Variants in SYNE1 observed in about 807,000 individuals in gnomAD.
SYNE1 encodes spectrin repeat containing nuclear envelope protein 1, also known as nesprin-1.
In SYNE1, 616 loss-of-function variants were observed where a neutral mutation model predicts 1,111.0. The ratio of observed to expected loss-of-function variants is 0.55; its 90% CI spans 0.52 to 0.59. SYNE1 has a LOEUF of 0.59. Among genes scored for constraint, SYNE1 ranks in the 20% least tolerant of loss-of-function variants. The pLI, the probability that SYNE1 is intolerant of heterozygous loss-of-function variation, is 0.00. For missense variants in SYNE1, 10,006 were observed against 10,417.0 expected, an observed-to-expected ratio of 0.96 and a Z score of 1.72; for synonymous variants, 3,855 against 3,825.8, an observed-to-expected ratio of 1.01 and a Z score of -0.28.
chr6:152,231,485 A>G lies in SYNE1; in HGVS notation c.20945T>C (p.Val6982Ala). 4 of 1,614,168 alleles carry G rather than the reference A, an allele frequency of 2.5e-6. No homozygotes were observed. The highest frequency in any genetic ancestry group is 3.4e-6 in the Non-Finnish European group (4 of 1,180,028). The change falls in exon 114 of 146, where the codon GTG becomes GCG. Residue 6982 changes from valine to alanine, a missense_variant. Val to Ala is a moderately conservative substitution (Grantham distance 64, BLOSUM62 0). This residue lies in a region of SYNE1 where 2,182 missense variants were observed against 2,287.8 expected (regional missense o/e 0.95). Coordinates refer to ENST00000367255, the MANE Select transcript of SYNE1 (RefSeq NM_182961.4). ...QSVLQISSQD[V>A]ESKRSDKTDF... The stretch of plus-strand genomic sequence containing the variant: ...AGTCTTATCACTACGCTTACTTTCC[A>G]CATCCTGACTGCTGATTTGTAGCAC...
intron 129 of SYNE1, among the ~76,000 whole-genome samples, chr6:152,177,957 T>C (rs2066901546): frequency 6.6e-6 from 1 of 152,130 alleles, no homozygotes; most frequent in African/African-American, 2.4e-5. Flanking sequence ...CAACTGCCTT[T>C]TTCTATGTTG....
Position 152,358,439 on chromosome 6 carries a change from C to A in SYNE1, c.10542G>T (p.Lys3514Asn). The A allele has an allele frequency of 6.2e-7, 1 of 1,614,168 alleles. No individual in the cohort carries two copies. The highest frequency in any genetic ancestry group is 8.5e-7 in the Non-Finnish European group (1 of 1,180,018). The change falls in exon 66 of 146, where the codon AAG (lysine) becomes AAT (asparagine). Residue 3514 changes from lysine to asparagine, a missense_variant. Lys to Asn is a moderately conservative substitution (Grantham distance 94). Coordinates refer to ENST00000367255, the MANE Select transcript of SYNE1 (RefSeq NM_182961.4). ...CTTCAAGAACTGAATACTGGTCGAG[C>A]TTTTCTTGTTCTTGCCCCAACCAAA... Reference protein sequence around the residue: ...FEVWLGQEQEKLDQYSVLEGD... With the variant: ...FEVWLGQEQENLDQYSVLEGD...
chr6:152,319,156 A>G, intron 84 of SYNE1, 141 bp from the exon 85 acceptor site: 1 of 1,192,726 alleles, frequency 8.4e-7, no homozygotes, highest in Non-Finnish European at 1.2e-6. Context: ...ATGTGCGATT[A>G]GTTACAAGCC....
chr6:152,541,251 C>T (rs2099268096), intron 3 of SYNE1, among the ~76,000 whole-genome samples: 1 of 152,276 alleles, frequency 6.6e-6, no homozygotes, highest in South Asian at 2.1e-4. Flanking sequence ...TTCTTCTCAT[C>T]CATAAGCATG....
intron 3 of SYNE1, among the ~76,000 whole-genome samples, chr6:152,585,069 T>C (rs955736993): frequency 2.0e-5 from 3 of 152,192 alleles, no homozygotes; most frequent in Admixed American, 6.5e-5. Flanking sequence ...GTTATCCTCA[T>C]GCTATTCTGC....
intron 85 of SYNE1, among the ~76,000 whole-genome samples, 164 bp downstream of exon 85, chr6:152,318,699 G>A (rs1249536946): frequency 6.6e-6 from 1 of 152,198 alleles, no homozygotes; most frequent in African/African-American, 2.4e-5. Context: ...AATTATGTAA[G>A]AGGATCTGTG....
rs538375152 is a variant in SYNE1, at chr6:152,635,190, C to A, written c.-224+1448G>T. The stretch of plus-strand genomic sequence containing the variant: ...GGAAGGACTCAAGTAAAAAAGAGTT[C>A]TTAAATGAGGTCAATGAGGACAGAA... On this transcript the variant is annotated intron_variant, in intron 2 of 145. Transcript: ENST00000367255. Among the ~76,000 whole-genome samples the A allele has an allele frequency of 2.6e-5, 4 of 152,308 alleles. No homozygotes were observed. The South Asian group carries it at 8.3e-4, about 32-fold the overall frequency.
At chr6:152,514,658 CA>C (rs529408436) in intron 6 of SYNE1, among the ~76,000 whole-genome samples, 11,294 of 137,244 alleles carry the variant, frequency 0.082, 498 homozygotes, top group African/African-American at 0.12. Context: ...CAATGAATAC[CA>C]AAAAAAAAAA....
In SYNE1 at chr6:152,539,888, T is replaced by C. The variant is rs373808842; in HGVS notation, c.129+72A>G. On this transcript the variant is annotated intron_variant, in intron 4 of 145. Coordinates refer to ENST00000367255, the MANE Select transcript of SYNE1 (RefSeq NM_182961.4). ...AGTGACAACAGGGACAGAAGCATTTTGTTATACTGGACATTTAATGATTTA... is the reference window on the plus strand; with the variant it reads ...AGTGACAACAGGGACAGAAGCATTTCGTTATACTGGACATTTAATGATTTA... 3.1e-4 allele frequency: 467 copies of C among 1,490,550 alleles called. 3 individuals are homozygous for C. In the South Asian group the frequency reaches 4.4e-3, roughly 14 times the overall value. 92.3% of individuals were successfully genotyped at this position (1,490,550 alleles called of 1,614,324 possible).
At chr6:152,601,864 G>A (rs1254400339) in intron 3 of SYNE1, among the ~76,000 whole-genome samples, 3 of 152,138 alleles carry the variant, frequency 2.0e-5, no homozygotes, top group Admixed American at 6.5e-5. Flanking sequence ...TCAGAAGTAG[G>A]CTGTGTGTAA....
At chr6:152,576,120 C>T (rs1419300212) in intron 3 of SYNE1, among the ~76,000 whole-genome samples, 2 of 152,218 alleles carry the variant, frequency 1.3e-5, no homozygotes, top group Non-Finnish European at 2.9e-5. Context: ...ACCCATCTTT[C>T]TTTGCTAATG....
intron 126 of SYNE1, among the ~76,000 whole-genome samples, chr6:152,202,380 A>AAAAAAAAAAAAAAAGCAAAAAAAG (rs2075677755): frequency 1.3e-5 from 2 of 149,062 alleles, no homozygotes; most frequent in African/African-American, 5.1e-5. Flanking sequence ...GCAAAAAAAA[A>AAAAAAAAAAAAAAAGCAAAAAAAG]AAAGAACAAA....
intron 80 of SYNE1, among the ~76,000 whole-genome samples, chr6:152,325,533 G>A (rs2096041606): frequency 6.6e-6 from 1 of 152,122 alleles, no homozygotes; most frequent in Admixed American, 6.5e-5. Context: ...AAAAACAAAA[G>A]TGTATTTTGC....
At chr6:152,453,000 C>G (rs1309859272) in intron 25 of SYNE1, among the ~76,000 whole-genome samples, 1 of 152,200 alleles carries the variant, frequency 6.6e-6, no homozygotes, top group African/African-American at 2.4e-5. Flanking sequence ...TTCCACCTCC[C>G]TCTTTCAAAG....
chr6:152,338,461 A>C (rs1446732032), intron 75 of SYNE1, among the ~76,000 whole-genome samples: 1 of 151,886 alleles, frequency 6.6e-6, no homozygotes, highest in Admixed American at 6.6e-5. Context: ...GTCTCTACAA[A>C]AAGTATAAAA....
chr6:152,283,845 T>G (rs1201138939), intron 96 of SYNE1, 133 bp downstream of exon 96: 10 of 837,092 alleles, frequency 1.2e-5, no homozygotes, highest in Admixed American at 6.0e-5. Flanking sequence ...GTGGAGACCA[T>G]TCTTGAAACA....
intron 39 of SYNE1, among the ~76,000 whole-genome samples, chr6:152,423,876 C>T (rs1486262819): frequency 6.6e-6 from 1 of 152,168 alleles, no homozygotes; most frequent in Non-Finnish European, 1.5e-5. Context: ...CCTGCACAGC[C>T]CACAGATCTT....
chr6:152,143,125 TC>T (rs1388612912), intron 138 of SYNE1, among the ~76,000 whole-genome samples: 1 of 152,186 alleles, frequency 6.6e-6, no homozygotes, highest in East Asian at 1.9e-4. Context: ...TGCTATCTTT[TC>T]CCCAAATCCC....
intron 66 of SYNE1, among the ~76,000 whole-genome samples, chr6:152,356,616 G>A (rs1382318087): frequency 1.3e-5 from 2 of 151,436 alleles, no homozygotes; most frequent in Non-Finnish European, 2.9e-5. Flanking sequence ...AATAATTTCT[G>A]AATATGTTCC....
Sources: gnomAD v4.1 joint callset for allele counts (sites outside exome capture counted in the v4.1 genomes callset) on GRCh38, gnomAD v4.1.1 for gene constraint, gnomAD v4.1.1 regional missense constraint, MANE v1.5 for transcripts, NCBI Gene and HGNC (gene_info 2026-07-23, HGNC 2026-07-21) for gene names.